OSBPL6: variants seen among roughly 807,000 people sequenced by gnomAD.
OSBPL6 encodes oxysterol-binding protein-related protein 6.
OSBPL6 carries 49 observed loss-of-function variants against 125.8 expected under a neutral mutation model. The observed-to-expected ratio is 0.39, with a 90% CI of 0.31 to 0.49. The LOEUF is 0.49. Among genes scored for constraint, OSBPL6 ranks in the 20% least tolerant of loss-of-function variants. The pLI is 0.88. For missense variants in OSBPL6, 986 were observed against 1,135.4 expected, an observed-to-expected ratio of 0.87 and a Z score of 1.89; for synonymous variants, 394 against 391.8, an observed-to-expected ratio of 1.01 and a Z score of -0.07.
intron 2 of OSBPL6, among the ~76,000 whole-genome samples, chr2:178,305,541 G>C (rs1253462432): frequency 6.6e-6 from 1 of 152,194 alleles, no homozygotes; most frequent in Non-Finnish European, 1.5e-5. Context: ...ATGTATTCCT[G>C]GATCCTTCAC....
intron 1 of OSBPL6, among the ~76,000 whole-genome samples, chr2:178,209,858 T>C (rs1228965145): frequency 6.6e-6 from 1 of 151,402 alleles, no homozygotes; most frequent in African/African-American, 2.4e-5. Flanking sequence ...CTGGCTACCA[T>C]TAAGAAAAAA....
chr2:178,346,277 C>A (rs1690706429), intron 11 of OSBPL6, among the ~76,000 whole-genome samples: 1 of 152,154 alleles, frequency 6.6e-6, no homozygotes, highest in South Asian at 2.1e-4. Flanking sequence ...GCAGTCAGTA[C>A]CCTCAAAGAA....
At position 178,285,130 on chromosome 2, in the gene OSBPL6, G is replaced by C; in HGVS notation, c.-156+9G>C. On this transcript the variant is annotated intron_variant, in intron 2 of 24. Coordinates refer to ENST00000190611, the MANE Select transcript of OSBPL6 (RefSeq NM_032523.4). ...TGACTCCAAGGTGCAAGGTGAGTTA[G>C]AAGAACACAAGCTTAAAACCAAAAG... 1 of 398,384 alleles carries C rather than the reference G, an allele frequency of 2.5e-6. No homozygotes were observed. The highest frequency in any genetic ancestry group is 4.4e-6 in the Non-Finnish European group (1 of 225,912). 24.7% of individuals were successfully genotyped at this position (398,384 alleles called of 1,614,324 possible).
At chr2:178,255,406 A>G (rs182370111) in intron 1 of OSBPL6, among the ~76,000 whole-genome samples, 1 of 152,376 alleles carries the variant, frequency 6.6e-6, no homozygotes, top group East Asian at 1.9e-4. Flanking sequence ...CTTCTTCACT[A>G]TCACGAGAAC....
chr2:178,373,324 T>G (rs1693573611), intron 14 of OSBPL6, among the ~76,000 whole-genome samples: 1 of 109,670 alleles, frequency 9.1e-6, no homozygotes, highest in Non-Finnish European at 1.9e-5. Flanking sequence ...TATATACATT[T>G]CTCTTACATT....
intron 1 of OSBPL6, among the ~76,000 whole-genome samples, chr2:178,279,971 G>A (rs894374026): frequency 3.9e-5 from 6 of 152,228 alleles, no homozygotes; most frequent in East Asian, 1.9e-4. Flanking sequence ...AGGCCGAGGC[G>A]AGTGGATCAC....
At chr2:178,367,781 T>C (rs1692988202) in intron 13 of OSBPL6, among the ~76,000 whole-genome samples, 1 of 152,212 alleles carries the variant, frequency 6.6e-6, no homozygotes, top group Non-Finnish European at 1.5e-5. Context: ...TTTAGTGCAG[T>C]CCGAGCTCAG....
At chr2:178,289,302 T>C (rs1189011401) in intron 2 of OSBPL6, among the ~76,000 whole-genome samples, 2 of 152,164 alleles carry the variant, frequency 1.3e-5, no homozygotes, top group South Asian at 2.1e-4. Flanking sequence ...AGGCGTGAGC[T>C]ACTGTGCCCA....
intron 1 of OSBPL6, among the ~76,000 whole-genome samples, chr2:178,278,788 C>G (rs950045436): frequency 1.3e-5 from 2 of 152,100 alleles, no homozygotes; most frequent in Non-Finnish European, 2.9e-5. Flanking sequence ...AATTTCTTGT[C>G]TAAACATTGC....
chr2:178,391,189 C>G lies in OSBPL6; in HGVS notation c.2418C>G (p.Ala806=). ...ATGAAGGACTCTACTGTGGTGTGGC[C>G]CCCTCTGCAAAGTGCATTTGGAGAC... The part of the protein sequence containing the change: ...KWHEGLYCGV[A]PSAKCIWRPG... Residue 806 remains alanine, a synonymous_variant, in exon 22 of 25, where the codon GCC becomes GCG. Transcript: ENST00000190611. 1 of 1,611,098 alleles carries G rather than the reference C, an allele frequency of 6.2e-7. No homozygotes were observed.
intron 13 of OSBPL6, among the ~76,000 whole-genome samples, chr2:178,363,316 C>A (rs1692521129): frequency 6.6e-6 from 1 of 152,172 alleles, no homozygotes; most frequent in Non-Finnish European, 1.5e-5. Flanking sequence ...AATTTTACAA[C>A]AGTTATTCAT....
At position 178,328,123 on chromosome 2, in the gene OSBPL6, T is replaced by C. The variant is rs1688858274; in HGVS notation, c.196-133T>C. The C allele has an allele frequency of 5.1e-6, 6 of 1,170,048 alleles. No individual in the cohort carries two copies. In the African/African-American group the frequency reaches 7.8e-5, roughly 15 times the overall value. The allele number at this position is 1,170,048 out of a possible 1,614,324, so 72.5% of individuals were successfully genotyped here. A position where few individuals can be genotyped will look rare whatever the true frequency, so the allele number is the denominator to read the frequency against. ...AGCTGTGTTTGATGTTAGAATTTGC[T>C]CCGGAATGTTGTTCATCCTTCTTTC... On this transcript the variant is annotated intron_variant, in intron 4 of 24. Coordinates refer to ENST00000190611, the MANE Select transcript of OSBPL6 (RefSeq NM_032523.4).
At chr2:178,230,258 T>A (rs961861517) in intron 1 of OSBPL6, among the ~76,000 whole-genome samples, 6 of 152,226 alleles carry the variant, frequency 3.9e-5, no homozygotes, top group African/African-American at 1.2e-4. Context: ...GCTGATCATG[T>A]GCCAAGTGAA....
At chr2:178,299,360 T>G (rs562212428) in intron 2 of OSBPL6, among the ~76,000 whole-genome samples, 140 of 152,356 alleles carry the variant, frequency 9.2e-4, no homozygotes, top group African/African-American at 3.0e-3. Context: ...TCTTGTCTGT[T>G]CCATTTGCTT....
intron 1 of OSBPL6, among the ~76,000 whole-genome samples, chr2:178,205,174 G>C (rs1441928230): frequency 6.6e-6 from 1 of 152,194 alleles, no homozygotes; most frequent in Admixed American, 6.5e-5. Flanking sequence ...CCTTGCCAGG[G>C]TTGGGATTTG....
chr2:178,341,521 T>G (rs1048075166), intron 11 of OSBPL6, among the ~76,000 whole-genome samples: 1 of 152,174 alleles, frequency 6.6e-6, no homozygotes, highest in Non-Finnish European at 1.5e-5. Flanking sequence ...TTCATTTGTT[T>G]TTAAATTTTT....
chr2:178,254,402 A>AG (rs2091811350), intron 1 of OSBPL6, among the ~76,000 whole-genome samples: 1 of 151,914 alleles, frequency 6.6e-6, no homozygotes, highest in South Asian at 2.1e-4. Context: ...CAAAAAAAAA[A>AG]AAAAGAAAGA....
intron 15 of OSBPL6, among the ~76,000 whole-genome samples, chr2:178,380,156 A>G (rs1403420070): frequency 2.0e-5 from 3 of 152,210 alleles, no homozygotes; most frequent in Non-Finnish European, 4.4e-5. Flanking sequence ...TAAACTTTAA[A>G]GCAATCTTTT....
In OSBPL6 at chr2:178,317,632, T is replaced by TGAATCATATATGAACATC. The variant is rs1451591849; in HGVS notation, c.103-6545_103-6544insGAATCATATATGAACATC. On this transcript the variant is annotated intron_variant, in intron 3 of 24. Transcript: ENST00000190611. ...ATTTGCTGAAAGAATGAATATGATA[T>TGAATCATATATGAACATC]ATATATGAATGATATGCTCTCAGTT... Among the ~76,000 whole-genome samples, 12 of 151,486 alleles carry TGAATCATATATGAACATC rather than the reference T, an allele frequency of 7.9e-5. No individual in the cohort carries two copies. In the East Asian group the frequency reaches 2.3e-3, roughly 29 times the overall value.
Sources: allele counts gnomAD v4.1 joint callset (sites outside exome capture counted in the v4.1 genomes callset), GRCh38; gene constraint gnomAD v4.1.1; transcripts MANE v1.5; gene names NCBI Gene and HGNC (gene_info 2026-07-23, HGNC 2026-07-21).